Variants in RBPJ observed in about 807,000 individuals in gnomAD.
The protein encoded by RBPJ is recombining binding protein suppressor of hairless.
In RBPJ, 9 loss-of-function variants were observed where a neutral mutation model predicts 67.8. That is an observed-to-expected ratio of 0.13 (90% CI 0.08 to 0.23). The LOEUF (loss-of-function observed/expected upper bound fraction) is 0.23, where lower values mean the gene tolerates loss of function less well. Among genes scored for constraint, RBPJ ranks in the 10% least tolerant of loss-of-function variants. The probability of loss-of-function intolerance (pLI) is 1.00; values close to 1 mark genes in which losing one functional copy is unlikely to be tolerated. For synonymous variants in RBPJ, 198 were observed against 203.3 expected, an observed-to-expected ratio of 0.97 and a Z score of 0.22; for missense variants, 305 against 595.6, an observed-to-expected ratio of 0.51 and a Z score of 5.08.
At chr4:26,199,835 TTATGG>T (rs1717918007) in intron 1 of RBPJ, among the ~76,000 whole-genome samples, 1 of 152,218 alleles carries the variant, frequency 6.6e-6, no homozygotes, top group Admixed American at 6.5e-5. Context: ...AGAGTGAATT[TTATGG>T]TATGTGAATT....
At chr4:26,153,486 G>C in the RBPJ span, among the ~76,000 whole-genome samples, 1 of 152,146 alleles carries the variant, frequency 6.6e-6, no homozygotes, top group Admixed American at 6.5e-5. Context: ...TATTTTTTAG[G>C]TGAGGAGAAA....
At chr4:26,165,108 C>A (rs536104606) in intron 1 of RBPJ, among the ~76,000 whole-genome samples, 4 of 152,108 alleles carry the variant, frequency 2.6e-5, no homozygotes, top group Admixed American at 2.0e-4. Context: ...GGGCACTGCT[C>A]TTTATTATGC....
intron 7 of RBPJ, among the ~76,000 whole-genome samples, chr4:26,427,428 G>A (rs1735789878): frequency 6.6e-6 from 1 of 152,156 alleles, no homozygotes; most frequent in Non-Finnish European, 1.5e-5. Flanking sequence ...ATGCAGGAGA[G>A]AAGTCTGGAG....
rs1736260206 is a variant in RBPJ, at chr4:26,431,790, C to G, written c.*783C>G. The stretch of plus-strand genomic sequence containing the variant: ...CATGCAATGTATGTTAACTTAGTCT[C>G]TCTTCTCAGACACTGTTGGTAGTTA... On this transcript the variant is annotated 3_prime_UTR_variant, in exon 11 of 11. Transcript: ENST00000355476. 1.3e-5 allele frequency: 2 copies of G among 152,068 alleles called. No individual in the cohort carries two copies. Among genetic ancestry groups the G allele is most frequent in the African/African-American group, 2.4e-5 (1 of 41,380 alleles). 9.4% of individuals were successfully genotyped at this position (152,068 alleles called of 1,614,324 possible).
intron 1 of RBPJ, among the ~76,000 whole-genome samples, chr4:26,205,293 G>A (rs1195222819): frequency 6.6e-6 from 1 of 152,196 alleles, no homozygotes. Context: ...TGGAGTATAG[G>A]ACATTGCCTC....
At chr4:26,302,075 G>A (rs532131720) in intron 1 of RBPJ, among the ~76,000 whole-genome samples, 30 of 152,342 alleles carry the variant, frequency 2.0e-4, no homozygotes, top group African/African-American at 7.2e-4. Context: ...TTACAGGCAT[G>A]AGAAATGAGC....
At chr4:26,415,762 T>C (rs1734522642) in intron 4 of RBPJ, 122 bp downstream of exon 4, 3 of 970,916 alleles carry the variant, frequency 3.1e-6, no homozygotes, top group African/African-American at 1.7e-5. Flanking sequence ...TTCTTGAATA[T>C]ATAAACTAGG....
the RBPJ span, chr4:26,112,811 G>A: frequency 6.9e-6 from 1 of 145,084 alleles, no homozygotes; most frequent in Non-Finnish European, 1.5e-5. Context: ...CCAGGCTGGA[G>A]TGTAGCAGTG....
chr4:26,159,187 T>G (rs1253207650), upstream of RBPJ, among the ~76,000 whole-genome samples: 1 of 152,156 alleles, frequency 6.6e-6, no homozygotes, highest in African/African-American at 2.4e-5. Flanking sequence ...TGCTAGACAC[T>G]TTCATGTATA....
Position 26,321,064 on chromosome 4 carries a change from T to C in RBPJ, c.20+16T>C, listed in dbSNP as rs1196051201. The C allele has an allele frequency of 6.3e-7, 1 of 1,590,694 alleles. No homozygotes were observed. Among genetic ancestry groups the C allele is most frequent in the Non-Finnish European group, 8.6e-7 (1 of 1,161,082 alleles). ...TTGTGACAGGGTAAGTCTGAGGGAA[T>C]CGGAGCGCCGGGAACCGGGAAAGTT... is the stretch of plus-strand genomic sequence containing the variant. On this transcript the variant is annotated intron_variant, in intron 1 of 10. Coordinates refer to ENST00000355476, the MANE Select transcript of RBPJ (RefSeq NM_015874.6).
intron 1 of RBPJ, among the ~76,000 whole-genome samples, chr4:26,227,880 T>G (rs1028293469): frequency 6.6e-6 from 1 of 152,220 alleles, no homozygotes; most frequent in Non-Finnish European, 1.5e-5. Flanking sequence ...TTCCCAAGTG[T>G]CCTGTGAATG....
At chr4:26,255,653 T>C (rs1435438769) in intron 1 of RBPJ, among the ~76,000 whole-genome samples, 1 of 150,218 alleles carries the variant, frequency 6.7e-6, no homozygotes, top group African/African-American at 2.5e-5. Context: ...ATACAAAAAA[T>C]TAGCCAGGCG....
chr4:26,205,249 G>A (rs999614187), intron 1 of RBPJ, among the ~76,000 whole-genome samples: 1 of 152,168 alleles, frequency 6.6e-6, no homozygotes, highest in Non-Finnish European at 1.5e-5. Context: ...AGCAGCTCCG[G>A]CCCTGTGCCA....
intron 1 of RBPJ, among the ~76,000 whole-genome samples, chr4:26,313,672 A>T (rs1722511055): frequency 7.1e-6 from 1 of 140,172 alleles, no homozygotes; most frequent in African/African-American, 2.6e-5. Flanking sequence ...TCCGTCTCTT[A>T]AAAAAAAAAA....
chr4:26,252,967 T>G (rs1720163142), intron 1 of RBPJ, among the ~76,000 whole-genome samples: 2 of 152,230 alleles, frequency 1.3e-5, no homozygotes, highest in Non-Finnish European at 2.9e-5. Context: ...CACTAGAGAT[T>G]TATAATAATA....
chr4:26,191,174 AAAAAAAATATATATATATAT>A (rs1717500136), intron 1 of RBPJ, among the ~76,000 whole-genome samples: 1 of 51,242 alleles, frequency 2.0e-5, no homozygotes, highest in African/African-American at 8.2e-5. Context: ...AAAAAAAAAA[AAAAAAAATATATATATATAT>A]ATATATATAT....
chr4:26,109,911 A>G, the RBPJ span, among the ~76,000 whole-genome samples: 1 of 152,004 alleles, frequency 6.6e-6, no homozygotes, highest in Non-Finnish European at 1.5e-5. Flanking sequence ...TGCCCAATCA[A>G]TGTGCTCTTT....
intron 1 of RBPJ, among the ~76,000 whole-genome samples, chr4:26,196,013 AAG>A (rs150407492): frequency 2.0e-5 from 3 of 152,134 alleles, no homozygotes; most frequent in African/African-American, 7.2e-5. Flanking sequence ...GAAGAGAGAA[AAG>A]AGAGAGAGAG....
At chr4:26,377,288 C>T (rs1049044598) in intron 1 of RBPJ, among the ~76,000 whole-genome samples, 2 of 152,176 alleles carry the variant, frequency 1.3e-5, no homozygotes, top group African/African-American at 2.4e-5. Context: ...CAGGTCACAC[C>T]GCTAGCTTGC....
Sources: allele counts gnomAD v4.1 joint callset (sites outside exome capture counted in the v4.1 genomes callset), GRCh38; gene constraint gnomAD v4.1.1; transcripts MANE v1.5; gene names NCBI Gene and HGNC (gene_info 2026-07-23, HGNC 2026-07-21).